Variants in TBC1D19 observed in about 807,000 individuals in gnomAD.
TBC1D19 encodes the protein TBC1 domain family, member 19.
Under a neutral mutation model 89.0 loss-of-function variants are expected in TBC1D19, and 60 were observed. The observed-to-expected ratio is 0.67, with a 90% confidence interval of 0.55 to 0.84. The LOEUF (loss-of-function observed/expected upper bound fraction) is 0.84, where lower values mean the gene tolerates loss of function less well. TBC1D19 is among the 40% of genes least tolerant of loss of function. The pLI, the probability that TBC1D19 is intolerant of heterozygous loss-of-function variation, is 0.00. For missense variants in TBC1D19, 500 were observed against 610.8 expected (o/e 0.82, Z 1.91); for synonymous variants, 189 against 199.7 (o/e 0.95, Z 0.45).
At chr4:26,812,101 T>C in the TBC1D19 span, among the ~76,000 whole-genome samples, 9 of 152,102 alleles carry the variant, frequency 5.9e-5, no homozygotes, top group Non-Finnish European at 1.3e-4. This position sits in a 1 kb window ranked among gnomAD's most constrained non-coding sequence, Gnocchi z 4.2. Context: ...GAAGGACATT[T>C]CTGAATCAAC....
At chr4:26,842,989 TATATG>T in the TBC1D19 span, among the ~76,000 whole-genome samples, 1 of 152,136 alleles carries the variant, frequency 6.6e-6, no homozygotes, top group Admixed American at 6.5e-5. Context: ...GAGGAGGTAA[TATATG>T]ATCTGTGGTT....
intron 16 of TBC1D19, among the ~76,000 whole-genome samples, 169 bp from the exon 17 acceptor site, chr4:26,739,695 A>G (rs1459200079): frequency 2.6e-5 from 4 of 152,114 alleles, no homozygotes; most frequent in Non-Finnish European, 5.9e-5. Flanking sequence ...TTTGAACTTT[A>G]CATATGCATA....
Position 26,637,148 on chromosome 4 carries a change from A to C in TBC1D19, c.295-63A>C. The C allele has an allele frequency of 3.4e-6, 4 of 1,176,642 alleles. No homozygotes were observed. In the South Asian group the frequency reaches 5.5e-5, roughly 16 times the overall value. The allele number at this position is 1,176,642 out of a possible 1,614,324, so 72.9% of individuals were successfully genotyped here. ...TTTCTATATAATTTGTAATATCTTT[A>C]ATTTTTTTATTAGTTTTAGTATTGT... On this transcript the variant is annotated intron_variant, in intron 4 of 20. Transcript: ENST00000264866.
rs899343871 is a variant in TBC1D19, at chr4:26,652,085, C to T, written c.481-7512C>T. Among the ~76,000 whole-genome samples the T allele has an allele frequency of 2.0e-5, 3 of 151,970 alleles. No homozygotes were observed. The East Asian group carries it at 5.8e-4, about 29-fold the overall frequency. On this transcript the variant is annotated intron_variant, in intron 7 of 20. Transcript: ENST00000264866. Reference sequence around the variant, plus strand: ...AGCCCACTAGATCATGGTGGATAAGCTTTTTGATGTGCTGCTGGATTCGGT... The same window carrying T: ...AGCCCACTAGATCATGGTGGATAAGTTTTTTGATGTGCTGCTGGATTCGGT...
At chr4:26,838,208 G>T in the TBC1D19 span, among the ~76,000 whole-genome samples, 1 of 152,086 alleles carries the variant, frequency 6.6e-6, no homozygotes, top group Admixed American at 6.6e-5. Context: ...GATACCACCT[G>T]CATCTGAGTG....
At chr4:26,718,555 T>C (rs2109265393) in intron 14 of TBC1D19, among the ~76,000 whole-genome samples, 1 of 152,236 alleles carries the variant, frequency 6.6e-6, no homozygotes, top group South Asian at 2.1e-4. Flanking sequence ...TATTAAATGG[T>C]GAACACCCAA....
At chr4:26,786,697 A>T in the TBC1D19 span, among the ~76,000 whole-genome samples, 1 of 132,084 alleles carries the variant, frequency 7.6e-6, no homozygotes, top group Non-Finnish European at 1.6e-5. Context: ...AGCCAGTTGA[A>T]AGGATGGTAG....
intron 11 of TBC1D19, 51 bp from the exon 12 acceptor site, chr4:26,683,624 C>A (rs1336348826): frequency 1.4e-6 from 2 of 1,464,660 alleles, no homozygotes; most frequent in Non-Finnish European, 1.9e-6. Flanking sequence ...TTAAGGCTGA[C>A]TTTATAAATG....
chr4:26,665,143 A>C (rs534248699), intron 8 of TBC1D19, among the ~76,000 whole-genome samples: 11 of 152,302 alleles, frequency 7.2e-5, no homozygotes, highest in Non-Finnish European at 1.3e-4. Context: ...AGGCCAGTCC[A>C]GGGGTCTGCG....
intron 4 of TBC1D19, among the ~76,000 whole-genome samples, chr4:26,630,498 A>AT (rs959684488): frequency 3.6e-3 from 544 of 149,528 alleles, no homozygotes; most frequent in African/African-American, 9.2e-3. Context: ...CATAATCATG[A>AT]TTTTTTTTTT....
chr4:26,625,095 CT>C (rs1379353610), intron 4 of TBC1D19, among the ~76,000 whole-genome samples: 1 of 151,506 alleles, frequency 6.6e-6, no homozygotes, highest in Non-Finnish European at 1.5e-5. Context: ...TTATGAATTA[CT>C]TTAACTTCAC....
chr4:26,581,616 T>C (rs1228316874), upstream of TBC1D19, among the ~76,000 whole-genome samples: 1 of 152,226 alleles, frequency 6.6e-6, no homozygotes, highest in Non-Finnish European at 1.5e-5. Context: ...CAAGGCCAAA[T>C]TCCGCCTTGT....
chr4:26,761,169 A>C (rs553814661), downstream of TBC1D19, among the ~76,000 whole-genome samples: 4 of 152,324 alleles, frequency 2.6e-5, no homozygotes, highest in African/African-American at 9.6e-5. Context: ...ACGTATGTTA[A>C]AACTATTTGG....
chr4:26,739,531 A>T (rs898282284), intron 16 of TBC1D19, among the ~76,000 whole-genome samples: 2 of 152,146 alleles, frequency 1.3e-5, no homozygotes, highest in African/African-American at 2.4e-5. Context: ...TACTTCAATT[A>T]AAAAAAGGAG....
At chr4:26,615,422 C>CT (rs2110019900) in intron 3 of TBC1D19, among the ~76,000 whole-genome samples, 1 of 151,088 alleles carries the variant, frequency 6.6e-6, no homozygotes, top group Non-Finnish European at 1.5e-5. Context: ...AGTTCATAGT[C>CT]TAACAGAGTT....
intron 9 of TBC1D19, among the ~76,000 whole-genome samples, chr4:26,669,735 T>G (rs937298467): frequency 5.9e-5 from 9 of 151,764 alleles, no homozygotes; most frequent in Admixed American, 1.3e-4. Context: ...GGCAACTTAT[T>G]TTTACTTGAT....
chr4:26,846,656 T>A, the TBC1D19 span, among the ~76,000 whole-genome samples: 1 of 152,220 alleles, frequency 6.6e-6, no homozygotes, highest in South Asian at 2.1e-4. Context: ...TTATTTCCCA[T>A]CAAGATTATA....
intron 4 of TBC1D19, among the ~76,000 whole-genome samples, chr4:26,627,167 A>C (rs1418792632): frequency 4.0e-5 from 6 of 151,532 alleles, no homozygotes; most frequent in South Asian, 4.2e-4. Context: ...GCGATAGTTT[A>C]CTGAGAATGA....
intron 17 of TBC1D19, among the ~76,000 whole-genome samples, chr4:26,741,425 A>C (rs1245648408): frequency 2.0e-5 from 3 of 151,554 alleles, no homozygotes; most frequent in Admixed American, 1.3e-4. Flanking sequence ...TCTAAGTATC[A>C]TATTTCTATG....
Sources: gnomAD v4.1 joint callset for allele counts (sites outside exome capture counted in the v4.1 genomes callset) on GRCh38, gnomAD v4.1.1 for gene constraint, Gnocchi (gnomAD v3.1) non-coding constraint, MANE v1.5 for transcripts, NCBI Gene and HGNC (gene_info 2026-07-23, HGNC 2026-07-21) for gene names.